POLL: variants seen among roughly 807,000 people sequenced by gnomAD.
POLL encodes the protein DNA polymerase lambda.
POLL carries 44 observed loss-of-function variants against 58.1 expected under a neutral mutation model. The ratio of observed to expected loss-of-function variants is 0.76; its 90% CI spans 0.60 to 0.97. The LOEUF is 0.97. Among genes scored for constraint, POLL ranks in the 50% least tolerant of loss-of-function variants. The pLI, the probability that POLL is intolerant of heterozygous loss-of-function variation, is 0.00. For missense variants in POLL, 632 were observed against 736.8 expected, an observed-to-expected ratio of 0.86 and a Z score of 1.65; for synonymous variants, 290 against 283.2, an observed-to-expected ratio of 1.02 and a Z score of -0.24.
chr10:101,580,606 A>C lies in POLL; in HGVS notation c.1195-190T>G. The stretch of plus-strand genomic sequence containing the variant: ...CCCTTCGCTAGGACAGGAGAGAAGA[A>C]AAAGCTCACTGTGCAGGAGGCAAGC... On this transcript the variant is annotated intron_variant, in intron 7 of 8. Transcript: ENST00000370162. The surrounding 1 kb of genome is among the most constrained non-coding windows in gnomAD (Gnocchi z 4.1). The C allele has an allele frequency of 1.7e-6, 1 of 581,008 alleles. No homozygotes were observed. The highest frequency in any genetic ancestry group is 2.1e-5 in the South Asian group (1 of 47,746). 36.0% of individuals were successfully genotyped at this position (581,008 alleles called of 1,614,324 possible).
chr10:101,579,488 G>A lies in POLL; in HGVS notation c.1693C>T (p.Leu565Phe). 6.2e-7 allele frequency: 1 copy of A among 1,612,638 alleles called. No homozygotes were observed. Among genetic ancestry groups the A allele is most frequent in the East Asian group, 2.2e-5 (1 of 44,854 alleles). ...TEKDVFRLLGLPYREPAERDW is the reference protein window; with the variant it reads ...TEKDVFRLLGFPYREPAERDW ...CGCTCAGCAGGTTCTCGGTAGGGGA[G>A]GCCTAAGAGCCTGAAGACATCCTTC... Residue 565 changes from leucine to phenylalanine, a missense_variant, in exon 9 of 9, where the codon CTC (leucine) becomes TTC (phenylalanine). By Grantham distance (22) the Leu-to-Phe change is conservative. Coordinates refer to ENST00000370162, the MANE Select transcript of POLL (RefSeq NM_001174084.2). The surrounding 1 kb of genome is among the most constrained non-coding windows in gnomAD (Gnocchi z 4.4).
rs1589659138 is a variant in POLL, at chr10:101,580,028, G to A, written c.1364-211C>T. 4.3e-6 allele frequency: 3 copies of A among 695,108 alleles called. No homozygotes were observed. The highest frequency in any genetic ancestry group is 5.4e-5 in the East Asian group (2 of 36,714). 43.1% of individuals were successfully genotyped at this position (695,108 alleles called of 1,614,324 possible). A position where few individuals can be genotyped will look rare whatever the true frequency, so the allele number is the denominator to read the frequency against. ...ACAGAAAGATCAGATGAGATACTTG[G>A]CCTGCAGGGTTCACTGAGCACCTCC... On this transcript the variant is annotated intron_variant, in intron 8 of 8. Coordinates refer to ENST00000370162, the MANE Select transcript of POLL (RefSeq NM_001174084.2). This position sits in a 1 kb window ranked among gnomAD's most constrained non-coding sequence, Gnocchi z 4.1.
chr10:101,586,877 C>A (rs775049318), intron 2 of POLL, among the ~76,000 whole-genome samples: 1 of 152,196 alleles, frequency 6.6e-6, no homozygotes, highest in African/African-American at 2.4e-5. Context: ...GACCCGACAA[C>A]CCTGCCTCCA....
chr10:101,586,984 A>G, intron 2 of POLL: 1 of 540,714 alleles, frequency 1.8e-6, no homozygotes, highest in Non-Finnish European at 3.3e-6. Context: ...CAGGGCAAAA[A>G]TTATACTGGT....
In POLL at chr10:101,587,310, A is replaced by G. The variant is rs774732429; in HGVS notation, c.51T>C (p.His17=). 1.2e-6 allele frequency: 2 copies of G among 1,614,204 alleles called. No homozygotes were observed. The highest frequency in any genetic ancestry group is 3.3e-5 in the Admixed American group (2 of 60,020). Residue 17 remains histidine, a synonymous_variant, in exon 2 of 9, where the codon CAT becomes CAC. Transcript: ENST00000370162. ...CAAGTACTTTTGATGATGCATCAGC[A>G]TGAATTTTCTGCCGCTTGGGAAATG... ...LKAFPKRQKI[H]ADASSKVLAK... is the part of the protein sequence containing the mutation.
At position 101,588,106 on chromosome 10, in the gene POLL, G is replaced by A; in HGVS notation, c.-331C>T. On this transcript the variant is annotated 5_prime_UTR_variant, in exon 1 of 9. Transcript: ENST00000370162. ...AAGAAAGCTGGAGTGCCCGACCCCGGCCCCAAGAGTCTCTCCAACCCCCAG... is the reference window on the plus strand; with the variant it reads ...AAGAAAGCTGGAGTGCCCGACCCCGACCCCAAGAGTCTCTCCAACCCCCAG... The A allele has an allele frequency of 6.6e-7, 1 of 1,508,666 alleles. No homozygotes were observed. Among genetic ancestry groups the A allele is most frequent in the South Asian group, 1.2e-5 (1 of 82,726 alleles). 93.5% of individuals were successfully genotyped at this position (1,508,666 alleles called of 1,614,324 possible).
chr10:101,583,765 A>C, intron 5 of POLL, 84 bp from the exon 6 acceptor site: 1 of 1,239,210 alleles, frequency 8.1e-7, no homozygotes, highest in Non-Finnish European at 1.2e-6. Flanking sequence ...TGACTCCTCT[A>C]GCAGATGCTG....
chr10:101,588,000 G>A lies in POLL; in HGVS notation c.-225C>T. 1 of 1,326,504 alleles carries A rather than the reference G, an allele frequency of 7.5e-7. No homozygotes were observed. The highest frequency in any genetic ancestry group is 1.5e-5 in the African/African-American group (1 of 67,600). 82.2% of individuals were successfully genotyped at this position (1,326,504 alleles called of 1,614,324 possible). A position where few individuals can be genotyped will look rare whatever the true frequency, so the allele number is the denominator to read the frequency against. ...CCGGGAATGGAGGAGTCTCGCAGCT[G>A]CGGGTGAAGTCCCGGGCAGGTGCGG... On this transcript the variant is annotated 5_prime_UTR_variant, in exon 1 of 9. Transcript: ENST00000370162.
In POLL at chr10:101,586,025, T is replaced by C. The variant is rs1564876026; in HGVS notation, c.247A>G (p.Ile83Val). The C allele has an allele frequency of 1.2e-6, 2 of 1,613,930 alleles. No individual in the cohort carries two copies. The highest frequency in any genetic ancestry group is 1.7e-6 in the Non-Finnish European group (2 of 1,180,016). The change falls in exon 3 of 9, where the codon ATT becomes GTT. Residue 83 changes from isoleucine (I) to valine (V), a missense_variant. Physicochemically the swap from Ile to Val is conservative, Grantham distance 29. Coordinates refer to ENST00000370162, the MANE Select transcript of POLL (RefSeq NM_001174084.2). ...CPAQGPGVTH[I>V]VVDEGMDYER... ...TAGTCCATGCCTTCATCCACCACAA[T>C]GTGAGTGACACCTGGGCCCTGGGCA...
chr10:101,586,126 A>C lies in POLL; in HGVS notation c.146T>G (p.Val49Gly). ...CCGGGCTCGTCCAATGCCAGTGCGC[A>C]CAACATGGGCCCGAAGGGAGCTCAG... ...EWLSSLRAHV[V>G]RTGIGRARAE... Residue 49 changes from valine to glycine, a missense_variant, in exon 3 of 9, where the codon GTG becomes GGG. Physicochemically the swap from Val to Gly is moderately radical, Grantham distance 109. Transcript: ENST00000370162. 6.2e-7 allele frequency: 1 copy of C among 1,613,594 alleles called. No individual in the cohort carries two copies. Among genetic ancestry groups the C allele is most frequent in the Non-Finnish European group, 8.5e-7 (1 of 1,179,916 alleles).
intron 2 of POLL, among the ~76,000 whole-genome samples, 187 bp from the exon 3 acceptor site, chr10:101,586,343 G>A (rs994383135): frequency 6.6e-6 from 1 of 152,200 alleles, no homozygotes; most frequent in Admixed American, 6.5e-5. Context: ...TCACAGGCCA[G>A]CACTTGAATG....
chr10:101,579,930 G>T lies in POLL; in HGVS notation c.1364-113C>A. 1 of 1,164,534 alleles carries T rather than the reference G, an allele frequency of 8.6e-7. No homozygotes were observed. Among genetic ancestry groups the T allele is most frequent in the Non-Finnish European group, 1.2e-6 (1 of 833,896 alleles). 72.1% of individuals were successfully genotyped at this position (1,164,534 alleles called of 1,614,324 possible). Reference sequence around the variant, plus strand: ...GGGCTTGCCCAGGTATTAGCTGGGTGACACTACCCTCTCTGGGCCCTTCTC... The same window carrying T: ...GGGCTTGCCCAGGTATTAGCTGGGTTACACTACCCTCTCTGGGCCCTTCTC... On this transcript the variant is annotated intron_variant, in intron 8 of 8. Transcript: ENST00000370162. The surrounding 1 kb of genome is among the most constrained non-coding windows in gnomAD (Gnocchi z 4.4).
chr10:101,587,588 A>G (rs2063453033), intron 1 of POLL, 182 bp from the exon 2 acceptor site: 2 of 1,228,466 alleles, frequency 1.6e-6, no homozygotes, highest in Non-Finnish European at 2.2e-6. Context: ...AGCCTTTCGA[A>G]GTTGGAGTAT....
Position 101,584,774 on chromosome 10 carries a change from A to T in POLL, c.719T>A (p.Val240Asp). ...SPAPAVLDKW[V>D]CAQPSSQKAT... is the part of the protein sequence containing the mutation. ...CTTCTGGCTTGAGGGCTGTGCACAG[A>T]CCCACTTATCCAGGACAGCAGGGGC... Residue 240 changes from valine (V) to aspartate (D), a missense_variant, in exon 5 of 9, where the codon GTC becomes GAC. By Grantham distance (152) the Val-to-Asp change is radical. Transcript: ENST00000370162. 1 of 1,612,804 alleles carries T rather than the reference A, an allele frequency of 6.2e-7. No individual in the cohort carries two copies. Among genetic ancestry groups the T allele is most frequent in the Non-Finnish European group, 8.5e-7 (1 of 1,179,382 alleles).
intron 4 of POLL, 93 bp from the exon 5 acceptor site, chr10:101,585,012 G>A: frequency 1.2e-6 from 1 of 858,506 alleles, no homozygotes; most frequent in Non-Finnish European, 1.7e-6. Context: ...TGCGGGGGGA[G>A]GGTCTTCTAG....
rs753165243 is a variant in POLL, at chr10:101,586,120, G to A, written c.152C>T (p.Thr51Ile). 17 of 1,613,580 alleles carry A rather than the reference G, an allele frequency of 1.1e-5. No homozygotes were observed. In the East Asian group the frequency reaches 3.3e-4, roughly 32 times the overall value. ...LSSLRAHVVR[T>I]GIGRARAELF... is the part of the protein sequence containing the mutation. ...TTCTGCCCGGGCTCGTCCAATGCCA[G>A]TGCGCACAACATGGGCCCGAAGGGA... Residue 51 changes from threonine (T) to isoleucine (I), a missense_variant, in exon 3 of 9, where the codon ACT becomes ATT. Coordinates refer to ENST00000370162, the MANE Select transcript of POLL (RefSeq NM_001174084.2).
Position 101,588,130 on chromosome 10 carries a change from A to C in POLL, c.-355T>G. 6.6e-7 allele frequency: 1 copy of C among 1,516,280 alleles called. No homozygotes were observed. The highest frequency in any genetic ancestry group is 8.8e-7 in the Non-Finnish European group (1 of 1,134,368). The allele number at this position is 1,516,280 out of a possible 1,614,324, so 93.9% of individuals were successfully genotyped here. On this transcript the variant is annotated 5_prime_UTR_variant, in exon 1 of 9. Transcript: ENST00000370162. ...GGCCCCAAGAGTCTCTCCAACCCCC[A>C]GAGTCGGTCCCCGGGTGGGGTCGAC...
Position 101,588,116 on chromosome 10 carries a change from T to C in POLL, c.-341A>G, listed in dbSNP as rs769436639. The C allele has an allele frequency of 2.0e-6, 3 of 1,512,950 alleles. No homozygotes were observed. In the South Asian group the frequency reaches 3.6e-5, roughly 18 times the overall value. The allele number at this position is 1,512,950 out of a possible 1,614,324, so 93.7% of individuals were successfully genotyped here. A position where few individuals can be genotyped will look rare whatever the true frequency, so the allele number is the denominator to read the frequency against. Reference sequence around the variant, plus strand: ...GAGTGCCCGACCCCGGCCCCAAGAGTCTCTCCAACCCCCAGAGTCGGTCCC... The same window carrying C: ...GAGTGCCCGACCCCGGCCCCAAGAGCCTCTCCAACCCCCAGAGTCGGTCCC... On this transcript the variant is annotated 5_prime_UTR_variant, in exon 1 of 9. Coordinates refer to ENST00000370162, the MANE Select transcript of POLL (RefSeq NM_001174084.2).
rs1274727451 is a variant in POLL, at chr10:101,579,443, C to T, written c.*10G>A. 3 of 1,594,268 alleles carry T rather than the reference C, an allele frequency of 1.9e-6. No individual in the cohort carries two copies. The highest frequency in any genetic ancestry group is 2.7e-5 in the African/African-American group (2 of 74,476). ...CCAACTCGGCTCTCCTCAGCACCCC[C>T]AGCCATGGGTCACCAGTCCCGCTCA... On this transcript the variant is annotated 3_prime_UTR_variant, in exon 9 of 9. Transcript: ENST00000370162. This position sits in a 1 kb window ranked among gnomAD's most constrained non-coding sequence, Gnocchi z 4.4.
Sources: allele counts gnomAD v4.1 joint callset (sites outside exome capture counted in the v4.1 genomes callset), GRCh38; gene constraint gnomAD v4.1.1; non-coding constraint Gnocchi (gnomAD v3.1); transcripts MANE v1.5; gene names NCBI Gene and HGNC (gene_info 2026-07-23, HGNC 2026-07-21).